The following GFOD1 variants were observed in gnomAD, a reference collection of about 807,000 sequenced individuals.
The protein encoded by GFOD1 is Gfo/Idh/MocA-like oxidoreductase domain containing 1, also known as glucose-fructose oxidoreductase domain-containing protein 1.
GFOD1 carries 9 observed loss-of-function variants against 25.4 expected under a neutral mutation model. The observed-to-expected ratio is 0.35, with a 90% CI of 0.21 to 0.62. GFOD1 has a LOEUF of 0.62. Ranked by LOEUF, GFOD1 falls within the 20% of genes least tolerant of loss-of-function variation. GFOD1 has a pLI of 0.72. For synonymous variants in GFOD1, 253 were observed against 245.6 expected, an observed-to-expected ratio of 1.03 and a Z score of -0.28; for missense variants, 403 against 556.9, an observed-to-expected ratio of 0.72 and a Z score of 2.78.
At chr6:13,369,292 C>T (rs533041090) in intron 1 of GFOD1, among the ~76,000 whole-genome samples, 7 of 152,326 alleles carry the variant, frequency 4.6e-5, no homozygotes, top group East Asian at 3.9e-4. Flanking sequence ...AAAAGTCAAA[C>T]GAGACTTCTA....
At chr6:13,401,883 T>C (rs564831414) in intron 1 of GFOD1, among the ~76,000 whole-genome samples, 3 of 152,334 alleles carry the variant, frequency 2.0e-5, no homozygotes, top group African/African-American at 7.2e-5. Flanking sequence ...CTTGAAAGAA[T>C]ATCCTCTTTA....
intron 1 of GFOD1, among the ~76,000 whole-genome samples, chr6:13,407,349 C>A (rs1178747003): frequency 6.6e-6 from 1 of 152,192 alleles, no homozygotes; most frequent in Non-Finnish European, 1.5e-5. Flanking sequence ...ATTGAAAAGT[C>A]AGCCTCAGCT....
At chr6:13,482,918 A>G (rs1017583239) in intron 1 of GFOD1, among the ~76,000 whole-genome samples, 1 of 150,960 alleles carries the variant, frequency 6.6e-6, no homozygotes, top group Non-Finnish European at 1.5e-5. Context: ...ATATACATCT[A>G]TATATTAGTG....
At chr6:13,439,871 G>C (rs1757887981) in intron 1 of GFOD1, among the ~76,000 whole-genome samples, 1 of 152,156 alleles carries the variant, frequency 6.6e-6, no homozygotes, top group African/African-American at 2.4e-5. Context: ...TTACACCCTT[G>C]CTCTAGGATA....
At chr6:13,415,243 C>G (rs1156408654) in intron 1 of GFOD1, among the ~76,000 whole-genome samples, 1 of 152,216 alleles carries the variant, frequency 6.6e-6, no homozygotes, top group Non-Finnish European at 1.5e-5. Flanking sequence ...TCCCGTCTTC[C>G]ACTCTTTCCA....
At chr6:13,460,273 G>A (rs1758269473) in intron 1 of GFOD1, among the ~76,000 whole-genome samples, 1 of 152,182 alleles carries the variant, frequency 6.6e-6, no homozygotes, top group Admixed American at 6.5e-5. Flanking sequence ...CAAGAATCTA[G>A]AGCCAGAAAT....
At chr6:13,476,412 T>C (rs1356695497) in intron 1 of GFOD1, among the ~76,000 whole-genome samples, 2 of 152,142 alleles carry the variant, frequency 1.3e-5, no homozygotes, top group Non-Finnish European at 2.9e-5. Flanking sequence ...AGACAGAAAG[T>C]AGATTAGTAG....
chr6:13,459,248 C>T (rs909751527), intron 1 of GFOD1, among the ~76,000 whole-genome samples: 2 of 151,956 alleles, frequency 1.3e-5, no homozygotes, highest in Non-Finnish European at 2.9e-5. Context: ...CAAAAACAAG[C>T]AATGGGGAAA....
At chr6:13,406,188 GC>G (rs1431999365) in intron 1 of GFOD1, among the ~76,000 whole-genome samples, 6 of 152,290 alleles carry the variant, frequency 3.9e-5, no homozygotes, top group African/African-American at 1.4e-4. Context: ...CAGACATCTG[GC>G]CCCAGGATTT....
intron 1 of GFOD1, among the ~76,000 whole-genome samples, chr6:13,419,267 A>G (rs1786214140): frequency 6.6e-6 from 1 of 152,212 alleles, no homozygotes; most frequent in African/African-American, 2.4e-5. Flanking sequence ...AAGATTCCAA[A>G]GAGGGAACAG....
At chr6:13,457,363 C>T (rs1165714688) in intron 1 of GFOD1, among the ~76,000 whole-genome samples, 1 of 152,192 alleles carries the variant, frequency 6.6e-6, no homozygotes, top group Admixed American at 6.5e-5. Context: ...GAGAAATCAG[C>T]CTGCCATAAG....
intron 1 of GFOD1, among the ~76,000 whole-genome samples, chr6:13,454,108 G>A (rs1466363916): frequency 2.6e-5 from 4 of 152,130 alleles, no homozygotes; most frequent in African/African-American, 9.7e-5. Context: ...GAACCCCACT[G>A]AACATGAAAG....
rs534114181 is a variant in GFOD1 at position 13,422,919 on chromosome 6, T to C, written c.254-57257A>G. ...TGTGTGAATGTGTGTGACTAGCAGG[T>C]TCACCCAAGGAGCTATTTTAAACCC... On this transcript the variant is annotated intron_variant, in intron 1 of 1. Coordinates refer to ENST00000379287, the MANE Select transcript of GFOD1 (RefSeq NM_018988.4). Among the ~76,000 whole-genome samples the C allele has an allele frequency of 1.4e-3, 212 of 152,292 alleles. 1 individual carries two copies. Among genetic ancestry groups the C allele is most frequent in the Non-Finnish European group, 1.7e-3 (114 of 68,010 alleles).
At chr6:13,448,894 AG>A (rs1758049757) in intron 1 of GFOD1, among the ~76,000 whole-genome samples, 1 of 152,210 alleles carries the variant, frequency 6.6e-6, no homozygotes, top group Non-Finnish European at 1.5e-5. Context: ...TCTCTAAAAC[AG>A]GGGCTAATTT....
intron 1 of GFOD1, among the ~76,000 whole-genome samples, chr6:13,474,187 C>T (rs1758567471): frequency 1.3e-5 from 2 of 152,136 alleles, no homozygotes; most frequent in Admixed American, 1.3e-4. Flanking sequence ...TGAGACCAGC[C>T]TGACCAACAT....
At chr6:13,442,243 C>G (rs1400474583) in intron 1 of GFOD1, among the ~76,000 whole-genome samples, 1 of 152,180 alleles carries the variant, frequency 6.6e-6, no homozygotes, top group Non-Finnish European at 1.5e-5. Flanking sequence ...ACAGGCACAC[C>G]TCACTTTATT....
chr6:13,463,538 G>A (rs1758328621), intron 1 of GFOD1, among the ~76,000 whole-genome samples: 1 of 152,126 alleles, frequency 6.6e-6, no homozygotes, highest in Non-Finnish European at 1.5e-5. Flanking sequence ...CTCTTTCCAC[G>A]TCACCGGGGT....
chr6:13,390,153 C>T (rs143695049), intron 1 of GFOD1, among the ~76,000 whole-genome samples: 105 of 152,292 alleles, frequency 6.9e-4, no homozygotes, highest in East Asian at 2.3e-3. Flanking sequence ...TATGACTTTC[C>T]GAGCCTTAAT....
intron 1 of GFOD1, chr6:13,407,958 C>T: frequency 1.0e-6 from 1 of 985,448 alleles, no homozygotes. Context: ...CAGAAGTTCA[C>T]AGAATATCTC....
Sources: gnomAD v4.1 joint callset for allele counts (sites outside exome capture counted in the v4.1 genomes callset) on GRCh38, gnomAD v4.1.1 for gene constraint, MANE v1.5 for transcripts, NCBI Gene and HGNC (gene_info 2026-07-23, HGNC 2026-07-21) for gene names.